Variants in TESPA1 observed in about 807,000 individuals in gnomAD.
TESPA1 encodes thymocyte expressed, positive selection associated 1, also known as protein TESPA1.
TESPA1 carries 33 observed loss-of-function variants against 57.9 expected under a neutral mutation model. The observed-to-expected ratio is 0.57, with a 90% CI of 0.43 to 0.76. The LOEUF is 0.76. Ranked by LOEUF, TESPA1 falls within the 30% of genes least tolerant of loss-of-function variation. TESPA1 has a pLI of 0.00. For missense variants in TESPA1, 618 were observed against 632.9 expected (o/e 0.98, Z 0.25); for synonymous variants, 227 against 228.9 (o/e 0.99, Z 0.07).
chr12:54,967,595 T>C (rs1951529573), intron 4 of TESPA1, among the ~76,000 whole-genome samples: 1 of 152,168 alleles, frequency 6.6e-6, no homozygotes, highest in African/African-American at 2.4e-5. Flanking sequence ...GTGGTTGTTA[T>C]CTGAGCAACC....
At chr12:54,962,361 C>G (rs1267481820) in intron 9 of TESPA1, 70 bp downstream of exon 9, 1 of 1,530,842 alleles carries the variant, frequency 6.5e-7, no homozygotes, top group African/African-American at 1.4e-5. Context: ...AGGGTTCTAA[C>G]CCTTCATCTT....
At position 54,967,758 on chromosome 12, in the gene TESPA1, T is replaced by G. The variant is rs190008104; in HGVS notation, c.256+85A>C. On this transcript the variant is annotated intron_variant, in intron 4 of 10. Coordinates refer to ENST00000449076, the MANE Select transcript of TESPA1 (RefSeq NM_001136030.3). Reference sequence around the variant, plus strand: ...TCTTTTGCATGCCTATGCATGTATATGTGCATAAACACTCACATACACACA... The same window carrying G: ...TCTTTTGCATGCCTATGCATGTATAGGTGCATAAACACTCACATACACACA... 8.7e-4 allele frequency: 1,309 copies of G among 1,499,194 alleles called. 5 individuals carry two copies. The highest frequency in any genetic ancestry group is 4.7e-4 in the Non-Finnish European group (510 of 1,087,060). 92.9% of individuals were successfully genotyped at this position (1,499,194 alleles called of 1,614,324 possible).
intron 8 of TESPA1, 49 bp from the exon 9 acceptor site, chr12:54,963,291 T>A (rs1565844360): frequency 5.2e-6 from 8 of 1,526,826 alleles, no homozygotes; most frequent in Non-Finnish European, 6.2e-6. Context: ...TCAGCAAATC[T>A]TCTTAAATCT....
At chr12:54,968,668 A>G (rs963832664) in intron 3 of TESPA1, among the ~76,000 whole-genome samples, 3 of 152,180 alleles carry the variant, frequency 2.0e-5, no homozygotes, top group African/African-American at 7.2e-5. Flanking sequence ...CCTAGATATT[A>G]TCATCATCTG....
At position 54,974,490 on chromosome 12, in the gene TESPA1, G is replaced by T; in HGVS notation, c.73C>A (p.Gln25Lys). 1 of 1,603,500 alleles carries T rather than the reference G, an allele frequency of 6.2e-7. No individual in the cohort carries two copies. The highest frequency in any genetic ancestry group is 1.7e-4 in the Middle Eastern group (1 of 6,054). The change falls in exon 2 of 11, where the codon CAG (glutamine) becomes AAG (lysine). Residue 25 changes from glutamine (Q) to lysine (K), a missense_variant. Transcript: ENST00000449076. ...GCCTCCTCTTCTAGGACCTGGGTCT[G>T]CCAGTTACGGCTCTGACGGAGCCAG... ...RAWLRQSRNWQTQVLEEEAAA... is the reference protein window; with the variant it reads ...RAWLRQSRNWKTQVLEEEAAA...
Position 54,962,743 on chromosome 12 carries a change from G to T in TESPA1, c.1155C>A (p.Asn385Lys). The change falls in exon 9 of 11, where the codon AAC (asparagine) becomes AAA (lysine). Residue 385 changes from asparagine to lysine, a missense_variant. By Grantham distance (94) the Asn-to-Lys change is moderately conservative (BLOSUM62 0). Around this residue, in one of 3 missense-constraint regions of TESPA1, gnomAD observed 409 missense variants for 420.1 expected, o/e 0.97. Coordinates refer to ENST00000449076, the MANE Select transcript of TESPA1 (RefSeq NM_001136030.3). The stretch of plus-strand genomic sequence containing the variant: ...AATGTGTGCAACAGGGTACCTTGGG[G>T]TTCGAATCCAGAGTTTGGGATGGTG... ...VLAPSQTLDS[N>K]PKVPCCTHSL... The T allele has an allele frequency of 1.2e-6, 2 of 1,613,930 alleles. No homozygotes were observed. Among genetic ancestry groups the T allele is most frequent in the Non-Finnish European group, 1.7e-6 (2 of 1,179,878 alleles).
intron 3 of TESPA1, among the ~76,000 whole-genome samples, chr12:54,969,076 T>C (rs1015639860): frequency 3.5e-5 from 5 of 144,192 alleles, no homozygotes; most frequent in African/African-American, 1.3e-4. Flanking sequence ...GATATAGATA[T>C]ATCTTTTGCT....
chr12:54,964,041 C>T (rs767896729), intron 7 of TESPA1, 91 bp from the exon 8 acceptor site: 97 of 1,335,156 alleles, frequency 7.3e-5, no homozygotes, highest in Non-Finnish European at 7.5e-5. Flanking sequence ...TGTCAGAAGA[C>T]TGAAATTCTT....
At chr12:54,955,797 A>G (rs1950695516) in intron 10 of TESPA1, among the ~76,000 whole-genome samples, 1 of 152,174 alleles carries the variant, frequency 6.6e-6, no homozygotes, top group South Asian at 2.1e-4. Context: ...GTTTTTAATT[A>G]TATTTTCCCA....
Position 54,974,466 on chromosome 12 carries a change from C to A in TESPA1, c.97G>T (p.Ala33Ser). 6.2e-7 allele frequency: 1 copy of A among 1,608,160 alleles called. No homozygotes were observed. Among genetic ancestry groups the A allele is most frequent in the East Asian group, 2.2e-5 (1 of 44,678 alleles). Residue 33 changes from alanine (A) to serine (S), a missense_variant, in exon 2 of 11, where the codon GCT becomes TCT. Ala to Ser is a moderately conservative substitution (Grantham distance 99). Coordinates refer to ENST00000449076, the MANE Select transcript of TESPA1 (RefSeq NM_001136030.3). ...NWQTQVLEEE[A>S]AAALQDVPDP... is the part of the protein sequence containing the mutation. ...GGGACATCCTGCAGGGCGGCGGCAG[C>A]CTCCTCTTCTAGGACCTGGGTCTGC...
At chr12:54,983,572 C>T (rs1290853742) in intron 1 of TESPA1, among the ~76,000 whole-genome samples, 3 of 152,172 alleles carry the variant, frequency 2.0e-5, no homozygotes, top group African/African-American at 4.8e-5. Flanking sequence ...TACCTCTCTA[C>T]TCAGGACCAT....
At chr12:54,953,264 T>C (rs972003740) in intron 10 of TESPA1, among the ~76,000 whole-genome samples, 2 of 152,198 alleles carry the variant, frequency 1.3e-5, no homozygotes, top group African/African-American at 4.8e-5. Flanking sequence ...CTCTGTTTTA[T>C]AACTTCCTTT....
intron 1 of TESPA1, among the ~76,000 whole-genome samples, chr12:54,975,578 C>T (rs1952103876): frequency 6.6e-6 from 1 of 152,096 alleles, no homozygotes; most frequent in Non-Finnish European, 1.5e-5. Context: ...CATCCCACCA[C>T]ACTGAGCAAA....
intron 3 of TESPA1, among the ~76,000 whole-genome samples, chr12:54,972,315 C>A (rs1256943631): frequency 2.6e-5 from 4 of 152,152 alleles, no homozygotes; most frequent in Non-Finnish European, 5.9e-5. Flanking sequence ...TTTTAAACTA[C>A]TTGGCACCCC....
intron 10 of TESPA1, among the ~76,000 whole-genome samples, chr12:54,953,839 C>T (rs1197845362): frequency 2.0e-5 from 3 of 152,128 alleles, no homozygotes; most frequent in Non-Finnish European, 4.4e-5. Context: ...TACATCTTTG[C>T]CAACACACAT....
Position 54,963,854 on chromosome 12 carries a change from T to C in TESPA1, c.543A>G (p.Ile181Met). The C allele has an allele frequency of 1.2e-6, 2 of 1,614,008 alleles. No homozygotes were observed. The highest frequency in any genetic ancestry group is 1.7e-6 in the Non-Finnish European group (2 of 1,179,874). ...AGGGGGTGGTGAAAAATCGGGCGGG[T>C]ATCCGAGAAGTGTCTTTGTGATCCT... ...GQEDHKDTSR[I>M]PARFFTTPSQ... The change falls in exon 8 of 11, where the codon ATA becomes ATG. Residue 181 changes from isoleucine (I) to methionine (M), a missense_variant. Ile to Met is a conservative substitution (Grantham distance 10). This residue lies in a region of TESPA1 where 409 missense variants were observed against 420.1 expected (regional missense o/e 0.97). Transcript: ENST00000449076.
Position 54,950,394 on chromosome 12 carries a change from C to A in TESPA1, c.*2-4G>T, listed in dbSNP as rs1565811707. 1 of 452,734 alleles carries A rather than the reference C, an allele frequency of 2.2e-6. No individual in the cohort carries two copies. The allele number at this position is 452,734 out of a possible 1,614,324, so 28.0% of individuals were successfully genotyped here. A position where few individuals can be genotyped will look rare whatever the true frequency, so the allele number is the denominator to read the frequency against. On this transcript the variant is annotated splice_region_variant and splice_polypyrimidine_tract_variant and intron_variant, in intron 10 of 10. Coordinates refer to ENST00000449076, the MANE Select transcript of TESPA1 (RefSeq NM_001136030.3). ...CTGTTGTGGTGGTGGAGAAAGCCTG[C>A]AATGGGAATAAAAAAGATACATATC... is the stretch of plus-strand genomic sequence containing the variant.
At chr12:54,963,661 C>T in intron 8 of TESPA1, 81 bp downstream of exon 8, 3 of 1,447,814 alleles carry the variant, frequency 2.1e-6, no homozygotes, top group Non-Finnish European at 9.4e-7. Flanking sequence ...CAAGAGAAAG[C>T]AGGATTTGAA....
Position 54,965,798 on chromosome 12 carries a change from A to T in TESPA1, c.446+255T>A, listed in dbSNP as rs138982182. Among the ~76,000 whole-genome samples, 51 of 152,318 alleles carry T rather than the reference A, an allele frequency of 3.3e-4. 1 individual carries two copies. In the East Asian group the frequency reaches 9.8e-3, roughly 29 times the overall value. On this transcript the variant is annotated intron_variant, in intron 7 of 10. Coordinates refer to ENST00000449076, the MANE Select transcript of TESPA1 (RefSeq NM_001136030.3). ...GTCTTGGAACTGTGATGGTACCAGT[A>T]CTATACCTCCTGGGGTACAAGTTTC...
Sources: gnomAD v4.1 joint callset for allele counts (sites outside exome capture counted in the v4.1 genomes callset) on GRCh38, gnomAD v4.1.1 for gene constraint, gnomAD v4.1.1 regional missense constraint, MANE v1.5 for transcripts, NCBI Gene and HGNC (gene_info 2026-07-23, HGNC 2026-07-21) for gene names.